PTPN4: variants seen among roughly 807,000 people sequenced by gnomAD.
The protein encoded by PTPN4 is tyrosine-protein phosphatase non-receptor type 4.
PTPN4 carries 49 observed loss-of-function variants against 135.5 expected under a neutral mutation model. The ratio of observed to expected loss-of-function variants is 0.36; its 90% confidence interval spans 0.29 to 0.46. PTPN4 has a LOEUF of 0.46. Ranked by LOEUF, PTPN4 falls within the 20% of genes least tolerant of loss-of-function variation. PTPN4 has a pLI of 1.00. For synonymous variants in PTPN4, 333 were observed against 369.9 expected, an observed-to-expected ratio of 0.90 and a Z score of 1.14; for missense variants, 860 against 1,101.0, an observed-to-expected ratio of 0.78 and a Z score of 3.10.
At chr2:119,952,184 C>A in intron 19 of PTPN4, 55 bp downstream of exon 19, 1 of 1,453,778 alleles carries the variant, frequency 6.9e-7, no homozygotes, top group Non-Finnish European at 9.4e-7. Context: ...CTGTTCATTA[C>A]TGAGCACAGC....
At chr2:119,766,484 CTGTGTGTG>C (rs113673836) in intron 1 of PTPN4, among the ~76,000 whole-genome samples, 6 of 103,914 alleles carry the variant, frequency 5.8e-5, no homozygotes, top group East Asian at 2.8e-4. Context: ...GTGTGTGTGT[CTGTGTGTG>C]TGTGTGTGTG....
intron 2 of PTPN4, among the ~76,000 whole-genome samples, chr2:119,821,359 G>T (rs886664803): frequency 1.5e-4 from 22 of 147,046 alleles, no homozygotes. Context: ...CCAGAGTGCT[G>T]AGATTACAGG....
intron 12 of PTPN4, among the ~76,000 whole-genome samples, chr2:119,924,155 AAGC>A (rs1474049093): frequency 6.6e-6 from 1 of 151,278 alleles, no homozygotes; most frequent in Non-Finnish European, 1.5e-5. Flanking sequence ...AAAAAAAAAA[AAGC>A]AAGGGACTAG....
At chr2:119,899,679 T>C (rs1406798594) in intron 9 of PTPN4, among the ~76,000 whole-genome samples, 1 of 152,196 alleles carries the variant, frequency 6.6e-6, no homozygotes, top group East Asian at 1.9e-4. Context: ...AGGCTCAGTC[T>C]TAACATCTTG....
chr2:119,766,495 T>C (rs1690632681), intron 1 of PTPN4, among the ~76,000 whole-genome samples: 1 of 146,840 alleles, frequency 6.8e-6, no homozygotes, highest in African/African-American at 2.6e-5. Flanking sequence ...TGTGTGTGTG[T>C]GTGTGTGTGT....
chr2:119,775,839 A>G (rs201786465), intron 1 of PTPN4, among the ~76,000 whole-genome samples: 3 of 128,700 alleles, frequency 2.3e-5, no homozygotes, highest in African/African-American at 5.5e-5. Flanking sequence ...ATCTATATCT[A>G]TATATCTATC....
At chr2:119,771,847 T>C (rs1690740807) in intron 1 of PTPN4, among the ~76,000 whole-genome samples, 2 of 152,228 alleles carry the variant, frequency 1.3e-5, no homozygotes, top group Non-Finnish European at 1.5e-5. Context: ...GTCTGGACTC[T>C]TGTAGTAGTC....
chr2:119,799,372 A>G (rs146532199), intron 1 of PTPN4, among the ~76,000 whole-genome samples: 23 of 152,392 alleles, frequency 1.5e-4, no homozygotes, highest in African/African-American at 4.8e-4. Flanking sequence ...AATTAGTAGA[A>G]CATTTGAAAA....
intron 2 of PTPN4, among the ~76,000 whole-genome samples, chr2:119,857,256 C>T (rs1247224284): frequency 6.6e-6 from 1 of 152,030 alleles, no homozygotes; most frequent in Non-Finnish European, 1.5e-5. Context: ...AAGTGCAGGG[C>T]ACGGTGGCTC....
rs1574430095 is a variant in PTPN4, at chr2:119,977,805, T to C, written c.*735T>C. The C allele has an allele frequency of 2.6e-5, 4 of 152,356 alleles. No homozygotes were observed. In the South Asian group the frequency reaches 8.3e-4, roughly 32 times the overall value. 9.4% of individuals were successfully genotyped at this position (152,356 alleles called of 1,614,324 possible). On this transcript the variant is annotated 3_prime_UTR_variant, in exon 27 of 27. Coordinates refer to ENST00000263708, the MANE Select transcript of PTPN4 (RefSeq NM_002830.4). ...TACTTGATGTAAAGGAATGCATGCA[T>C]TGTGTCTTAACCCCTTAAGTGCCTT...
chr2:119,836,785 C>G (rs939724507), intron 2 of PTPN4, among the ~76,000 whole-genome samples: 1 of 152,248 alleles, frequency 6.6e-6, no homozygotes, highest in Non-Finnish European at 1.5e-5. Flanking sequence ...AGCCCAGGTG[C>G]TGTGGCGACC....
At chr2:119,892,498 C>G (rs577020444) in intron 9 of PTPN4, among the ~76,000 whole-genome samples, 1 of 152,148 alleles carries the variant, frequency 6.6e-6, no homozygotes, top group East Asian at 1.9e-4. Flanking sequence ...AATGAGGGAT[C>G]AGGGAAGGTC....
intron 2 of PTPN4, among the ~76,000 whole-genome samples, chr2:119,844,636 C>A (rs368603510): frequency 6.7e-6 from 1 of 149,934 alleles, no homozygotes; most frequent in Non-Finnish European, 1.5e-5. Flanking sequence ...CAGAGGCGCT[C>A]CCCACATCTC....
chr2:119,907,814 A>G (rs577590917), intron 10 of PTPN4, among the ~76,000 whole-genome samples: 18 of 152,296 alleles, frequency 1.2e-4, no homozygotes, highest in Non-Finnish European at 2.2e-4. Flanking sequence ...TTTACAGCCA[A>G]CTGAATTTTG....
chr2:119,831,230 G>A (rs1349765518), intron 2 of PTPN4, among the ~76,000 whole-genome samples: 1 of 152,144 alleles, frequency 6.6e-6, no homozygotes, highest in Non-Finnish European at 1.5e-5. Context: ...AGCTTAGACA[G>A]TAATGCTTGC....
chr2:119,785,508 AT>A (rs1378378783), intron 1 of PTPN4, among the ~76,000 whole-genome samples: 1 of 152,174 alleles, frequency 6.6e-6, no homozygotes, highest in Non-Finnish European at 1.5e-5. Flanking sequence ...GTTGTTAAAT[AT>A]ACTGTTATAT....
intron 2 of PTPN4, among the ~76,000 whole-genome samples, chr2:119,841,970 A>G (rs1258050768): frequency 2.0e-5 from 3 of 152,210 alleles, no homozygotes; most frequent in African/African-American, 7.2e-5. Flanking sequence ...CTTGAGAAGA[A>G]TGAATCCATA....
chr2:119,902,509 C>A, intron 10 of PTPN4, among the ~76,000 whole-genome samples: 1 of 152,180 alleles, frequency 6.6e-6, no homozygotes, highest in East Asian at 1.9e-4. Context: ...GAGGGGACTT[C>A]AAGATGGCTG....
intron 2 of PTPN4, among the ~76,000 whole-genome samples, chr2:119,845,448 C>T (rs1288887306): frequency 1.3e-5 from 2 of 152,050 alleles, no homozygotes; most frequent in South Asian, 2.1e-4. Flanking sequence ...TGAGTTAATA[C>T]GTGTAGTTTG....
Sources: gnomAD v4.1 joint callset for allele counts (sites outside exome capture counted in the v4.1 genomes callset) on GRCh38, gnomAD v4.1.1 for gene constraint, MANE v1.5 for transcripts, NCBI Gene and HGNC (gene_info 2026-07-23, HGNC 2026-07-21) for gene names.